MGAT4C: variants seen among roughly 807,000 people sequenced by gnomAD.
MGAT4C encodes the protein MGAT4 family member C, also known as alpha-1,3-mannosyl-glycoprotein 4-beta-N-acetylglucosaminyltransferase C.
In MGAT4C, 19 loss-of-function variants were observed where a neutral mutation model predicts 40.1. The ratio of observed to expected loss-of-function variants is 0.47; its 90% CI spans 0.33 to 0.70. The LOEUF (loss-of-function observed/expected upper bound fraction) is 0.70, where lower values mean the gene tolerates loss of function less well. Among genes scored for constraint, MGAT4C ranks in the 30% least tolerant of loss-of-function variants. The probability of loss-of-function intolerance (pLI) is 0.02; values close to 1 mark genes in which losing one functional copy is unlikely to be tolerated. For synonymous variants in MGAT4C, 181 were observed against 187.1 expected (o/e 0.97, Z 0.27); for missense variants, 491 against 563.2 (o/e 0.87, Z 1.30).
At chr12:86,563,643 A>G (rs1050897089) in intron 2 of MGAT4C, among the ~76,000 whole-genome samples, 3 of 152,126 alleles carry the variant, frequency 2.0e-5, no homozygotes, top group Admixed American at 2.0e-4. Context: ...CCCCAAGGAG[A>G]CCTCTGGTCT....
At chr12:86,501,969 T>G (rs1958352291) in intron 2 of MGAT4C, among the ~76,000 whole-genome samples, 1 of 152,038 alleles carries the variant, frequency 6.6e-6, no homozygotes, top group African/African-American at 2.4e-5. Flanking sequence ...TGTAAAAGTG[T>G]CATAATTAGG....
intron 2 of MGAT4C, among the ~76,000 whole-genome samples, chr12:86,499,722 T>C (rs1279118308): frequency 6.6e-6 from 1 of 151,998 alleles, no homozygotes; most frequent in Non-Finnish European, 1.5e-5. Flanking sequence ...CAATTCATTG[T>C]CATCTGTCAG....
intron 4 of MGAT4C, among the ~76,000 whole-genome samples, chr12:86,272,037 G>A (rs1952964468): frequency 6.7e-6 from 1 of 149,800 alleles, no homozygotes; most frequent in Admixed American, 6.7e-5. Context: ...CTGGTTAAAG[G>A]GTATAAACAT....
At chr12:86,360,593 T>A (rs1955440599) in intron 3 of MGAT4C, among the ~76,000 whole-genome samples, 1 of 152,168 alleles carries the variant, frequency 6.6e-6, no homozygotes, top group African/African-American at 2.4e-5. Flanking sequence ...AACCCCATCG[T>A]CTCAGACCCA....
chr12:86,072,019 T>C (rs1323728674), intron 1 of MGAT4C, among the ~76,000 whole-genome samples: 4 of 103,650 alleles, frequency 3.9e-5, no homozygotes, highest in African/African-American at 1.0e-4. Context: ...AGTTAATGCA[T>C]AGGGTTTTGT....
At position 86,603,504 on chromosome 12, in the gene MGAT4C, ATATAGTC is replaced by A. The variant is rs1419472329; in HGVS notation, c.-229+123698_-229+123704del. Among the ~76,000 whole-genome samples the A allele has an allele frequency of 8.6e-3, 289 of 33,690 alleles. 2 individuals are homozygous for A. Among genetic ancestry groups the A allele is most frequent in the East Asian group, 0.066 (55 of 838 alleles). The allele number at this position is 33,690 out of a possible 152,430, so 22.1% of individuals were successfully genotyped here. A position where few individuals can be genotyped will look rare whatever the true frequency, so the allele number is the denominator to read the frequency against. On this transcript the variant is annotated intron_variant, in intron 2 of 7. Coordinates refer to the MGAT4C transcript ENST00000548651. The stretch of plus-strand genomic sequence containing the variant: ...CTATAGACTATATAATATATACTAT[ATATAGTC>A]TATAGTCTATAGACTATATATAGTC...
At chr12:86,226,750 T>C (rs1188806023) in intron 1 of MGAT4C, among the ~76,000 whole-genome samples, 1 of 151,918 alleles carries the variant, frequency 6.6e-6, no homozygotes, top group African/African-American at 2.4e-5. Flanking sequence ...CAGACACCTC[T>C]TTTACAGTTG....
chr12:86,830,499 T>C (rs1952900626), intron 1 of MGAT4C, among the ~76,000 whole-genome samples: 1 of 151,850 alleles, frequency 6.6e-6, no homozygotes, highest in Non-Finnish European at 1.5e-5. Flanking sequence ...TAGTGAATAC[T>C]ATCTTTAAAA....
At chr12:86,001,334 C>T (rs1304768654) in intron 2 of MGAT4C, among the ~76,000 whole-genome samples, 1 of 152,176 alleles carries the variant, frequency 6.6e-6, no homozygotes, top group Admixed American at 6.5e-5. Flanking sequence ...TTCAATACCC[C>T]ATGGCAGTAG....
At chr12:86,681,889 T>C (rs11104032) in intron 2 of MGAT4C, among the ~76,000 whole-genome samples, 44,524 of 151,876 alleles carry the variant, frequency 0.29, 6,688 homozygotes, top group East Asian at 0.41. Flanking sequence ...AGAAATTTAC[T>C]GAACAAAAAT....
At chr12:86,010,158 TA>T (rs1243790804) in intron 2 of MGAT4C, among the ~76,000 whole-genome samples, 2 of 152,090 alleles carry the variant, frequency 1.3e-5, no homozygotes, top group African/African-American at 4.8e-5. Context: ...GGAAGTAGTC[TA>T]AGTTTGTATA....
chr12:86,553,252 G>C (rs2136399094), intron 2 of MGAT4C, among the ~76,000 whole-genome samples: 1 of 152,182 alleles, frequency 6.6e-6, no homozygotes. Flanking sequence ...CTGGCTTAAT[G>C]AAAGTGTGAT....
chr12:86,627,562 G>C (rs1237561481), intron 2 of MGAT4C, among the ~76,000 whole-genome samples: 8 of 152,166 alleles, frequency 5.3e-5, no homozygotes, highest in Admixed American at 2.0e-4. Context: ...TGCAATATTT[G>C]CTGTTCTGCA....
chr12:86,078,008 C>T (rs1870101991), intron 1 of MGAT4C, among the ~76,000 whole-genome samples: 1 of 152,154 alleles, frequency 6.6e-6, no homozygotes, highest in African/African-American at 2.4e-5. Context: ...CCCTCTGGAA[C>T]TAAGACCTCT....
At chr12:86,598,788 GA>G (rs1218235556) in intron 2 of MGAT4C, among the ~76,000 whole-genome samples, 1 of 152,052 alleles carries the variant, frequency 6.6e-6, no homozygotes, top group Non-Finnish European at 1.5e-5. Flanking sequence ...GTACCTAATG[GA>G]AAAGGTTTAA....
intron 1 of MGAT4C, among the ~76,000 whole-genome samples, chr12:86,177,361 A>C (rs2135852671): frequency 6.6e-6 from 1 of 152,314 alleles, no homozygotes; most frequent in East Asian, 1.9e-4. Context: ...ACTATCTTTA[A>C]CCATAAGTGA....
At chr12:86,597,344 G>A (rs970196887) in intron 2 of MGAT4C, among the ~76,000 whole-genome samples, 1 of 152,194 alleles carries the variant, frequency 6.6e-6, no homozygotes, top group Non-Finnish European at 1.5e-5. Context: ...TAAAGCCCAG[G>A]GGGAACCGAA....
At chr12:86,121,889 C>T (rs1054531060) in intron 1 of MGAT4C, among the ~76,000 whole-genome samples, 2 of 152,150 alleles carry the variant, frequency 1.3e-5, no homozygotes, top group African/African-American at 2.4e-5. Flanking sequence ...AATAGATTTT[C>T]CCCCAAGGGT....
In MGAT4C at chr12:86,488,899, CAG is replaced by C. The variant is rs557357312; in HGVS notation, c.-228-53636_-228-53635del. Among the ~76,000 whole-genome samples the C allele has an allele frequency of 3.0e-3, 452 of 152,156 alleles. 2 individuals carry two copies. The highest frequency in any genetic ancestry group is 0.01 in the African/African-American group (431 of 41,520). On this transcript the variant is annotated intron_variant, in intron 2 of 7. Transcript: ENST00000548651. ...TAAAAAGAGTGGTAACAATAGGAGA[CAG>C]AGAAATTCTGGGCAGACAGAGGTGG...
Sources: allele counts gnomAD v4.1 joint callset (sites outside exome capture counted in the v4.1 genomes callset), GRCh38; gene constraint gnomAD v4.1.1; transcripts MANE v1.5; gene names NCBI Gene and HGNC (gene_info 2026-07-23, HGNC 2026-07-21).